Variants in PCDHA7 observed in about 807,000 individuals in gnomAD.
PCDHA7 encodes the protein protocadherin alpha-7.
A neutral mutation model predicts 57.2 loss-of-function variants in PCDHA7; 37 were observed. The observed-to-expected ratio is 0.65, with a 90% CI of 0.50 to 0.85. The LOEUF is 0.85. PCDHA7 is among the 40% of genes least tolerant of loss of function. The pLI is 0.00. For synonymous variants in PCDHA7, 553 were observed against 558.8 expected (o/e 0.99, Z 0.15); for missense variants, 1,188 against 1,241.8 (o/e 0.96, Z 0.65).
intron 1 of PCDHA7, chr5:140,848,665 C>A (rs1428126460): frequency 4.4e-6 from 7 of 1,592,108 alleles, no homozygotes; most frequent in Non-Finnish European, 5.2e-6. Flanking sequence ...CTGGAGCTGG[C>A]GGAGCTGGTG....
At chr5:140,928,868 C>G (rs374918492) in intron 1 of PCDHA7, 32 of 1,614,062 alleles carry the variant, frequency 2.0e-5, no homozygotes, top group Non-Finnish European at 2.6e-5. Context: ...TTGAGCAACT[C>G]TGTCCCTCAG....
intron 1 of PCDHA7, among the ~76,000 whole-genome samples, chr5:140,934,682 A>G (rs2089985981): frequency 6.6e-6 from 1 of 152,156 alleles, no homozygotes; most frequent in Non-Finnish European, 1.5e-5. Flanking sequence ...AGTATTCAAA[A>G]CAATGAATTG....
chr5:140,850,168 A>C, intron 1 of PCDHA7: 1 of 1,594,824 alleles, frequency 6.3e-7, no homozygotes, highest in Non-Finnish European at 8.6e-7. Flanking sequence ...GTGCTGGACG[A>C]GAACGACAAT....
chr5:140,873,097 A>G (rs578070341), intron 1 of PCDHA7, among the ~76,000 whole-genome samples: 173 of 152,330 alleles, frequency 1.1e-3, no homozygotes, highest in African/African-American at 4.0e-3. Context: ...GTATAGAGGC[A>G]TAACATACCA....
intron 3 of PCDHA7, among the ~76,000 whole-genome samples, chr5:141,005,648 G>A (rs1354125322): frequency 7.4e-6 from 1 of 135,988 alleles, no homozygotes; most frequent in Non-Finnish European, 1.5e-5. Flanking sequence ...CTTGCAGTGA[G>A]TCGAGATCGC....
intron 1 of PCDHA7, chr5:140,851,422 A>C (rs1554145396): frequency 1.1e-6 from 1 of 948,550 alleles, no homozygotes; most frequent in Non-Finnish European, 1.3e-6. Flanking sequence ...ACTTCCCCTA[A>C]ACTTTAGAAA....
chr5:140,876,017 T>C lies in PCDHA7; in HGVS notation c.2355+39279T>C, dbSNP rs371785405. The C allele has an allele frequency of 8.7e-6, 14 of 1,613,124 alleles. No homozygotes were observed. Among genetic ancestry groups the C allele is most frequent in the Admixed American group, 3.3e-5 (2 of 59,812 alleles). ...CTAAATGAGAATTTTGAGCTTAAAA[T>C]AAAAACAAAAAAAGATAAAAGTATA... On this transcript the variant is annotated intron_variant, in intron 1 of 3. Transcript: ENST00000525929.
chr5:140,869,373 C>A (rs782224697), intron 1 of PCDHA7: 1 of 1,614,102 alleles, frequency 6.2e-7, no homozygotes, highest in Non-Finnish European at 8.5e-7. Context: ...ATTCTCGGAT[C>A]GACCGCGAGG....
intron 1 of PCDHA7, chr5:140,966,754 G>A (rs1554228611): frequency 1.4e-6 from 2 of 1,432,146 alleles, no homozygotes; most frequent in South Asian, 3.0e-5. Context: ...TGCCTCCGCC[G>A]CGGCCAGTGG....
At chr5:140,951,487 G>A (rs1563250651) in intron 1 of PCDHA7, among the ~76,000 whole-genome samples, 1 of 151,938 alleles carries the variant, frequency 6.6e-6, no homozygotes, top group Non-Finnish European at 1.5e-5. Flanking sequence ...CAAGAATCAT[G>A]GTGGAAGGCA....
At chr5:140,922,825 C>T (rs1554200979) in intron 1 of PCDHA7, among the ~76,000 whole-genome samples, 1 of 152,178 alleles carries the variant, frequency 6.6e-6, no homozygotes, top group Non-Finnish European at 1.5e-5. Context: ...CAGCATACTG[C>T]TAATAGATGT....
At chr5:140,876,754 C>A in intron 1 of PCDHA7, 1 of 1,614,212 alleles carries the variant, frequency 6.2e-7, no homozygotes, top group Non-Finnish European at 8.5e-7. Context: ...GGTGACTGCG[C>A]GGGATGGGGG....
At chr5:140,989,007 A>C (rs1356295875) in intron 3 of PCDHA7, 1 of 152,216 alleles carries the variant, frequency 6.6e-6, no homozygotes, top group Non-Finnish European at 1.5e-5. Flanking sequence ...ATAGAGACTT[A>C]TTATAGTTTC....
At chr5:140,986,393 C>T (rs1554248003) in intron 3 of PCDHA7, among the ~76,000 whole-genome samples, 1 of 152,148 alleles carries the variant, frequency 6.6e-6, no homozygotes, top group Non-Finnish European at 1.5e-5. Context: ...ATTAAAGGGC[C>T]AGTCGCTCAT....
Position 140,851,528 on chromosome 5 carries a change from C to T in PCDHA7, c.2355+14790C>T, listed in dbSNP as rs185754801. ...ATAAAATATGTTTTAAAATGCCTGA[C>T]AATGTAGATAATTCAAGAAATGTTG... On this transcript the variant is annotated intron_variant, in intron 1 of 3. Transcript: ENST00000525929. 15 of 903,994 alleles carry T rather than the reference C, an allele frequency of 1.7e-5. No homozygotes were observed. The East Asian group carries it at 1.6e-3, about 98-fold the overall frequency. The allele number at this position is 903,994 out of a possible 1,614,324, so 56.0% of individuals were successfully genotyped here.
rs1554146062 is a variant in PCDHA7, at chr5:140,852,704, C to G, written c.2355+15966C>G. The G allele has an allele frequency of 8.2e-6, 8 of 978,408 alleles. 1 individual carries two copies. The highest frequency in any genetic ancestry group is 7.4e-6 in the Non-Finnish European group (6 of 811,580). The allele number at this position is 978,408 out of a possible 1,614,324, so 60.6% of individuals were successfully genotyped here. ...AATATAGTCTTATACTTTCAAGTAT[C>G]TTTGTCTTTGCACGTTTTTCAAGTT... On this transcript the variant is annotated intron_variant, in intron 1 of 3. Transcript: ENST00000525929.
At chr5:140,841,167 G>T (rs1003651834) in intron 1 of PCDHA7, 106 of 954,536 alleles carry the variant, frequency 1.1e-4, no homozygotes, top group Non-Finnish European at 3.5e-5. Context: ...AAGAAGTTCT[G>T]GTTGGTCAAT....
At chr5:140,971,419 G>A (rs1554233321) in intron 1 of PCDHA7, among the ~76,000 whole-genome samples, 1 of 152,140 alleles carries the variant, frequency 6.6e-6, no homozygotes. Context: ...TGGAAATCCA[G>A]TGAAGAACCC....
At chr5:140,974,105 A>G (rs1173287678) in intron 1 of PCDHA7, among the ~76,000 whole-genome samples, 1 of 152,246 alleles carries the variant, frequency 6.6e-6, no homozygotes, top group African/African-American at 2.4e-5. Context: ...GGTTAAAAGT[A>G]TTCTTTTGCA....
Sources: allele counts gnomAD v4.1 joint callset (sites outside exome capture counted in the v4.1 genomes callset), GRCh38; gene constraint gnomAD v4.1.1; transcripts MANE v1.5; gene names NCBI Gene and HGNC (gene_info 2026-07-23, HGNC 2026-07-21).